The following MYO5B variants were observed in gnomAD, a reference collection of about 807,000 sequenced individuals.
MYO5B encodes unconventional myosin-Vb.
MYO5B carries 143 observed loss-of-function variants against 229.3 expected under a neutral mutation model. That is an observed-to-expected ratio of 0.62 (90% confidence interval 0.54 to 0.72). MYO5B has a LOEUF of 0.72. Ranked by LOEUF, MYO5B falls within the 30% of genes least tolerant of loss-of-function variation. The pLI, the probability that MYO5B is intolerant of heterozygous loss-of-function variation, is 0.00. For missense variants in MYO5B, 2,321 were observed against 2,331.0 expected (o/e 1.00, Z 0.09); for synonymous variants, 918 against 885.2 (o/e 1.04, Z -0.66).
At position 49,996,105 on chromosome 18, in the gene MYO5B, T is replaced by C. The variant is rs558446197; in HGVS notation, c.613-3674A>G. ...TTTCTAAGATAGCAATAAGACCTTT[T>C]ACCATATCTGAGATCATTCCTTGTG... On this transcript the variant is annotated intron_variant, in intron 5 of 39. Coordinates refer to ENST00000285039, the MANE Select transcript of MYO5B (RefSeq NM_001080467.3). Among the ~76,000 whole-genome samples the C allele has an allele frequency of 9.8e-5, 15 of 152,354 alleles. No individual in the cohort carries two copies. In the South Asian group the frequency reaches 3.1e-3, roughly 32 times the overall value.
chr18:49,916,618 T>C (rs2025017183), intron 17 of MYO5B, among the ~76,000 whole-genome samples: 1 of 152,024 alleles, frequency 6.6e-6, no homozygotes, highest in South Asian at 2.1e-4. Flanking sequence ...GCAGAGAGGC[T>C]GAGGGGAGAG....
intron 22 of MYO5B, among the ~76,000 whole-genome samples, chr18:49,884,604 G>A (rs533607643): frequency 1.3e-5 from 2 of 152,116 alleles, no homozygotes; most frequent in South Asian, 2.1e-4. Context: ...AGGAGGCAGA[G>A]CTTAGGCAGT....
At position 49,978,694 on chromosome 18, in the gene MYO5B, TACACACACACACACAC is replaced by T. The variant is rs10527520; in HGVS notation, c.1056+1734_1056+1749del. Among the ~76,000 whole-genome samples the T allele has an allele frequency of 2.4e-3, 335 of 139,194 alleles. 2 individuals are homozygous for T. The highest frequency in any genetic ancestry group is 7.2e-3 in the Middle Eastern group (2 of 278). 91.3% of individuals were successfully genotyped at this position (139,194 alleles called of 152,430 possible). A position where few individuals can be genotyped will look rare whatever the true frequency, so the allele number is the denominator to read the frequency against. On this transcript the variant is annotated intron_variant, in intron 9 of 39. Transcript: ENST00000285039. ...AAGGAGAAAGGTAGGCAGCAAGTAA[TACACACACACACACAC>T]ACACACACACACACACACACACACA...
intron 1 of MYO5B, among the ~76,000 whole-genome samples, chr18:50,167,686 A>G (rs1293471413): frequency 6.6e-6 from 1 of 152,152 alleles, no homozygotes. Context: ...TCTCCCTCCA[A>G]GAAGCCCTCT....
rs577264779 is a variant in MYO5B at position 49,882,892 on chromosome 18, G to T, written c.3046-2437C>A. Among the ~76,000 whole-genome samples, 3 of 152,232 alleles carry T rather than the reference G, an allele frequency of 2.0e-5. No individual in the cohort carries two copies. The East Asian group carries it at 5.8e-4, about 29-fold the overall frequency. On this transcript the variant is annotated intron_variant, in intron 22 of 39. Transcript: ENST00000285039. ...AACACTTCCCAATTCCATTCTATGAGGCCAGTGTTACTCTGATACCAAAAC... is the reference window on the plus strand; with the variant it reads ...AACACTTCCCAATTCCATTCTATGATGCCAGTGTTACTCTGATACCAAAAC...
intron 12 of MYO5B, among the ~76,000 whole-genome samples, chr18:49,961,438 C>A (rs2025558169): frequency 6.6e-6 from 1 of 152,212 alleles, no homozygotes; most frequent in Admixed American, 6.5e-5. Context: ...TAGGAGAGCC[C>A]TTCTGAAAGG....
chr18:49,916,214 T>C (rs1193996607), intron 17 of MYO5B, among the ~76,000 whole-genome samples: 1 of 152,246 alleles, frequency 6.6e-6, no homozygotes, highest in African/African-American at 2.4e-5. Flanking sequence ...AAACCTTAAA[T>C]GCTTCTAATT....
chr18:49,936,531 C>A (rs575043969), intron 15 of MYO5B, among the ~76,000 whole-genome samples, 182 bp from the exon 16 acceptor site: 1 of 152,228 alleles, frequency 6.6e-6, no homozygotes, highest in South Asian at 2.1e-4. Flanking sequence ...TTGCTGTGAC[C>A]AAAATCAAGT....
At chr18:50,157,935 C>A (rs1220435355) in intron 1 of MYO5B, among the ~76,000 whole-genome samples, 1 of 152,184 alleles carries the variant, frequency 6.6e-6, no homozygotes, top group Non-Finnish European at 1.5e-5. Context: ...TATACTTGTT[C>A]AACCAGAACT....
chr18:49,975,128 G>A (rs1381127529), intron 9 of MYO5B, among the ~76,000 whole-genome samples: 1 of 152,186 alleles, frequency 6.6e-6, no homozygotes, highest in Non-Finnish European at 1.5e-5. Flanking sequence ...AGCCCAGAAA[G>A]CAATTCTCTT....
At chr18:50,063,800 A>G (rs558929830) in intron 1 of MYO5B, 6 of 152,356 alleles carry the variant, frequency 3.9e-5, no homozygotes, top group African/African-American at 1.4e-4. Flanking sequence ...GTCAGTCACA[A>G]TTCCATTTAT....
intron 17 of MYO5B, among the ~76,000 whole-genome samples, chr18:49,920,889 G>A (rs940679886): frequency 1.3e-5 from 2 of 152,130 alleles, no homozygotes; most frequent in African/African-American, 4.8e-5. Context: ...GTGAAAACCC[G>A]TGGGTCAGGC....
chr18:49,926,931 A>T (rs2144189762), intron 17 of MYO5B, among the ~76,000 whole-genome samples: 1 of 152,318 alleles, frequency 6.6e-6, no homozygotes, highest in South Asian at 2.1e-4. Flanking sequence ...AAGGACAAAT[A>T]CTGTATTAAT....
At chr18:50,030,295 T>C (rs894080059) in intron 4 of MYO5B, among the ~76,000 whole-genome samples, 5 of 150,200 alleles carry the variant, frequency 3.3e-5, no homozygotes, top group African/African-American at 4.8e-5. Context: ...CTTTCCCTTC[T>C]GCAATTTATT....
At chr18:50,137,081 C>T (rs1403004159) in intron 1 of MYO5B, among the ~76,000 whole-genome samples, 1 of 151,846 alleles carries the variant, frequency 6.6e-6, no homozygotes, top group African/African-American at 2.4e-5. Flanking sequence ...AGTAAGGACT[C>T]CAATATTTTG....
At chr18:49,944,353 G>A (rs552061649) in intron 14 of MYO5B, among the ~76,000 whole-genome samples, 1 of 152,176 alleles carries the variant, frequency 6.6e-6, no homozygotes, top group East Asian at 1.9e-4. Context: ...ACTAGAACCA[G>A]CAATGGCAGT....
chr18:50,172,308 G>T (rs1385205692), intron 1 of MYO5B, among the ~76,000 whole-genome samples: 1 of 137,608 alleles, frequency 7.3e-6, no homozygotes, highest in Non-Finnish European at 1.6e-5. Flanking sequence ...AAAAAAAAAA[G>T]GCCGAACTGT....
At chr18:49,911,832 T>C (rs989638975) in intron 18 of MYO5B, among the ~76,000 whole-genome samples, 1 of 152,128 alleles carries the variant, frequency 6.6e-6, no homozygotes, top group Non-Finnish European at 1.5e-5. Context: ...TGCCACAGAA[T>C]TCCATTTTCT....
chr18:49,913,322 G>A (rs1485299716), intron 17 of MYO5B, among the ~76,000 whole-genome samples: 1 of 152,138 alleles, frequency 6.6e-6, no homozygotes, highest in Non-Finnish European at 1.5e-5. Flanking sequence ...AGGTGGTCTC[G>A]ATTCATACAT....
Sources: allele counts gnomAD v4.1 joint callset (sites outside exome capture counted in the v4.1 genomes callset), GRCh38; gene constraint gnomAD v4.1.1; transcripts MANE v1.5; gene names NCBI Gene and HGNC (gene_info 2026-07-23, HGNC 2026-07-21).